Variants in DPP6 observed in about 807,000 individuals in gnomAD.
DPP6 encodes A-type potassium channel modulatory protein DPP6.
DPP6 carries 69 observed loss-of-function variants against 122.6 expected under a neutral mutation model. That is an observed-to-expected ratio of 0.56 (90% CI 0.46 to 0.69). DPP6 has a LOEUF of 0.69. Among genes scored for constraint, DPP6 ranks in the 30% least tolerant of loss-of-function variants. The pLI is 0.00. For missense variants in DPP6, 928 were observed against 1,116.9 expected, an observed-to-expected ratio of 0.83 and a Z score of 2.41; for synonymous variants, 418 against 433.1, an observed-to-expected ratio of 0.97 and a Z score of 0.43.
At chr7:154,220,948 G>A (rs12536770) in intron 1 of DPP6, among the ~76,000 whole-genome samples, 2 of 152,120 alleles carry the variant, frequency 1.3e-5, no homozygotes, top group East Asian at 1.9e-4. Flanking sequence ...TGGTAGTCTT[G>A]AATTAGTGAT....
intron 1 of DPP6, among the ~76,000 whole-genome samples, chr7:154,191,565 G>A (rs1446089885): frequency 2.0e-5 from 3 of 152,192 alleles, no homozygotes; most frequent in Non-Finnish European, 4.4e-5. Flanking sequence ...CTAGGCCAAG[G>A]ATGTGTGTGC....
intron 1 of DPP6, among the ~76,000 whole-genome samples, chr7:154,378,230 C>A (rs1305907998): frequency 6.6e-6 from 1 of 152,182 alleles, no homozygotes; most frequent in Non-Finnish European, 1.5e-5. Flanking sequence ...TATTGCCAGA[C>A]ATTTGCTGTC....
At chr7:154,575,460 GCGGGT>G (rs1351740245) in intron 5 of DPP6, among the ~76,000 whole-genome samples, 38 of 12,348 alleles carry the variant, frequency 3.1e-3, no homozygotes, top group South Asian at 4.9e-3. Flanking sequence ...ATGTGTGTGN[GCGGGT>G]GTATGTGTGT....
intron 21 of DPP6, chr7:154,885,397 C>A: frequency 1.9e-6 from 1 of 528,662 alleles, no homozygotes; most frequent in Non-Finnish European, 3.3e-6. Context: ...CCTCACGTCC[C>A]TTGACACCAA....
intron 3 of DPP6, among the ~76,000 whole-genome samples, chr7:154,513,175 T>C (rs1826217638): frequency 6.6e-6 from 1 of 152,192 alleles, no homozygotes; most frequent in Non-Finnish European, 1.5e-5. Flanking sequence ...TATAGGGCCA[T>C]TTTTGCTGGG....
At chr7:154,884,744 CACATACTCAT>C (rs11277080) in intron 21 of DPP6, 49,300 of 151,650 alleles carry the variant, frequency 0.33, 8,198 homozygotes, top group East Asian at 0.5. Context: ...CAAGTTTACA[CACATACTCAT>C]ACATGCTCAC....
chr7:154,732,999 C>T (rs1842410261), intron 8 of DPP6, among the ~76,000 whole-genome samples: 1 of 152,182 alleles, frequency 6.6e-6, no homozygotes, highest in Non-Finnish European at 1.5e-5. Flanking sequence ...CTCCATGGCA[C>T]CCTCCCCATT....
intron 1 of DPP6, among the ~76,000 whole-genome samples, chr7:153,923,110 C>T (rs902003508): frequency 2.0e-5 from 3 of 152,308 alleles, no homozygotes; most frequent in South Asian, 2.1e-4. Context: ...AACCAGCTGC[C>T]GCCAAACAGC....
At chr7:154,460,578 C>T (rs1189570832) in intron 2 of DPP6, among the ~76,000 whole-genome samples, 1 of 152,156 alleles carries the variant, frequency 6.6e-6, no homozygotes, top group Non-Finnish European at 1.5e-5. Context: ...CAGCTTCCTA[C>T]TCTTTCTCTT....
intron 4 of DPP6, among the ~76,000 whole-genome samples, chr7:154,553,849 GC>G (rs1002945579): frequency 5.6e-5 from 8 of 143,714 alleles, no homozygotes; most frequent in African/African-American, 2.1e-4. Flanking sequence ...CACTACATTT[GC>G]CCTAAAATGA....
intron 10 of DPP6, among the ~76,000 whole-genome samples, chr7:154,785,821 A>G (rs1046290333): frequency 2.6e-5 from 4 of 152,214 alleles, no homozygotes; most frequent in Non-Finnish European, 5.9e-5. Context: ...GTGCCCTGTG[A>G]TTGCAATTCT....
chr7:154,122,157 T>G (rs2150608374), intron 1 of DPP6, among the ~76,000 whole-genome samples: 1 of 152,348 alleles, frequency 6.6e-6, no homozygotes, highest in East Asian at 1.9e-4. Context: ...GGTTTGACAG[T>G]AATTACCTTA....
At chr7:154,301,602 GT>G (rs1345993843) in intron 1 of DPP6, among the ~76,000 whole-genome samples, 1 of 152,096 alleles carries the variant, frequency 6.6e-6, no homozygotes, top group Non-Finnish European at 1.5e-5. Flanking sequence ...GGCAGATTTA[GT>G]TTTGATCTCC....
chr7:154,887,660 C>T lies in DPP6; in HGVS notation c.2246-16C>T, dbSNP rs757259366. Reference sequence around the variant, plus strand: ...TCGAAGCCAGAGGTAACCTCCCTCCCTTTGCTTCCGTGCAGCCTCTGCGTT... The same window carrying T: ...TCGAAGCCAGAGGTAACCTCCCTCCTTTTGCTTCCGTGCAGCCTCTGCGTT... On this transcript the variant is annotated splice_polypyrimidine_tract_variant and intron_variant, in intron 22 of 25. Transcript: ENST00000377770. The T allele has an allele frequency of 1.9e-6, 3 of 1,613,578 alleles. No homozygotes were observed. The highest frequency in any genetic ancestry group is 2.5e-6 in the Non-Finnish European group (3 of 1,179,610).
intron 11 of DPP6, 90 bp downstream of exon 11, chr7:154,794,292 G>T: frequency 7.0e-7 from 1 of 1,437,130 alleles, no homozygotes; most frequent in South Asian, 1.5e-5. Flanking sequence ...CTCAGCCCTC[G>T]GGCCTGGGAC....
chr7:154,477,626 T>C (rs1403992804), intron 3 of DPP6, among the ~76,000 whole-genome samples: 1 of 152,146 alleles, frequency 6.6e-6, no homozygotes, highest in African/African-American at 2.4e-5. Flanking sequence ...AGTTTGATTT[T>C]TATGAGCAAA....
chr7:154,878,564 T>G (rs1205143974), intron 20 of DPP6, among the ~76,000 whole-genome samples: 6 of 152,184 alleles, frequency 3.9e-5, no homozygotes, highest in Admixed American at 3.3e-4. Context: ...ATCGGAAACC[T>G]AAAATCAGGA....
At chr7:154,554,180 C>A (rs1464560407) in intron 4 of DPP6, among the ~76,000 whole-genome samples, 1 of 152,022 alleles carries the variant, frequency 6.6e-6, no homozygotes, top group African/African-American at 2.4e-5. Context: ...CTATCATTAA[C>A]ATTATCGCCA....
intron 1 of DPP6, chr7:154,305,456 C>A (rs1162978280): frequency 3.9e-6 from 6 of 1,557,312 alleles, no homozygotes; most frequent in Non-Finnish European, 4.4e-6. Flanking sequence ...CGCCGTCAGA[C>A]CCCACCTGCC....
Sources: gnomAD v4.1 joint callset for allele counts (sites outside exome capture counted in the v4.1 genomes callset) on GRCh38, gnomAD v4.1.1 for gene constraint, MANE v1.5 for transcripts, NCBI Gene and HGNC (gene_info 2026-07-23, HGNC 2026-07-21) for gene names.